PTPRG: variants seen among roughly 807,000 people sequenced by gnomAD.
PTPRG encodes the protein protein tyrosine phosphatase receptor type G.
Under a neutral mutation model 165.3 loss-of-function variants are expected in PTPRG, and 102 were observed. The ratio of observed to expected loss-of-function variants is 0.62; its 90% confidence interval spans 0.53 to 0.73. The LOEUF is 0.73. PTPRG is among the 30% of genes least tolerant of loss of function. The pLI is 0.00. For synonymous variants in PTPRG, 675 were observed against 669.5 expected (o/e 1.01, Z -0.13); for missense variants, 1,866 against 1,861.4 (o/e 1.00, Z -0.05).
intron 4 of PTPRG, among the ~76,000 whole-genome samples, chr3:62,006,623 C>A (rs2041303985): frequency 6.6e-6 from 1 of 152,098 alleles, no homozygotes; most frequent in South Asian, 2.1e-4. Flanking sequence ...ACAGAAGAAT[C>A]ATTGTTGAAG....
At chr3:61,883,034 CATT>C (rs1328721890) in intron 2 of PTPRG, among the ~76,000 whole-genome samples, 2 of 152,190 alleles carry the variant, frequency 1.3e-5, no homozygotes, top group African/African-American at 4.8e-5. Flanking sequence ...CAAAACTTCT[CATT>C]ATGGCTGGTG....
chr3:62,152,178 C>T (rs1424763335), intron 6 of PTPRG, among the ~76,000 whole-genome samples: 1 of 151,226 alleles, frequency 6.6e-6, no homozygotes, highest in East Asian at 1.9e-4. Flanking sequence ...CCAGCTTGGG[C>T]AACACAGCAA....
rs561510305 is a variant in PTPRG, at chr3:61,874,528, A to G, written c.191-115097A>G. The stretch of plus-strand genomic sequence containing the variant: ...TTTTCTTTCTTCCTTTTTTTTTTCT[A>G]CACATAAACACAGATACTCAACCAC... On this transcript the variant is annotated intron_variant, in intron 2 of 29. Transcript: ENST00000474889. 6.0e-5 allele frequency among the ~76,000 whole-genome samples: 9 copies of G among 150,056 alleles called. No individual in the cohort carries two copies. In the East Asian group the frequency reaches 1.8e-3, roughly 30 times the overall value.
At chr3:62,046,576 A>C (rs1334575711) in intron 4 of PTPRG, among the ~76,000 whole-genome samples, 4 of 152,160 alleles carry the variant, frequency 2.6e-5, no homozygotes, top group Non-Finnish European at 5.9e-5. Context: ...CATCATTGGC[A>C]TGCTTGCTGC....
intron 1 of PTPRG, among the ~76,000 whole-genome samples, chr3:61,670,826 G>A (rs1014510123): frequency 6.6e-6 from 1 of 152,134 alleles, no homozygotes; most frequent in Non-Finnish European, 1.5e-5. Flanking sequence ...AAGTAGAATC[G>A]CAGAAAAGAG....
At chr3:61,911,884 T>C (rs2038811320) in intron 2 of PTPRG, among the ~76,000 whole-genome samples, 1 of 152,236 alleles carries the variant, frequency 6.6e-6, no homozygotes, top group Non-Finnish European at 1.5e-5. Flanking sequence ...AATTTCATTG[T>C]ATTTTAATAG....
intron 2 of PTPRG, among the ~76,000 whole-genome samples, chr3:61,916,886 G>A (rs1007948086): frequency 6.6e-6 from 1 of 152,138 alleles, no homozygotes; most frequent in East Asian, 1.9e-4. Context: ...ATCCTACCCA[G>A]TGCCTTTTTA....
In PTPRG at chr3:61,650,735, G is replaced by C. The variant is rs58131335; in HGVS notation, c.85+88363G>C. Among the ~76,000 whole-genome samples, 1,381 of 152,140 alleles carry C rather than the reference G, an allele frequency of 9.1e-3. 27 individuals carry two copies. The highest frequency in any genetic ancestry group is 0.029 in the African/African-American group (1,200 of 41,500). The stretch of plus-strand genomic sequence containing the variant: ...TTATCTTAAAATTTATTAATGTGAT[G>C]GTTTTCATTTTCAAATGTAAGCATT... On this transcript the variant is annotated intron_variant, in intron 1 of 29. Transcript: ENST00000474889.
intron 2 of PTPRG, among the ~76,000 whole-genome samples, chr3:61,778,131 G>A (rs2034439176): frequency 1.3e-5 from 2 of 152,156 alleles, no homozygotes; most frequent in Admixed American, 1.3e-4. Context: ...GGTTCTTGGT[G>A]TTTTGATCAA....
At chr3:62,016,139 G>C (rs2041539881) in intron 4 of PTPRG, among the ~76,000 whole-genome samples, 1 of 152,028 alleles carries the variant, frequency 6.6e-6, no homozygotes, top group South Asian at 2.1e-4. Flanking sequence ...ACTTTGAGCA[G>C]GATTTGGCAT....
At chr3:62,071,772 C>T (rs932931527) in intron 4 of PTPRG, among the ~76,000 whole-genome samples, 2 of 152,114 alleles carry the variant, frequency 1.3e-5, no homozygotes, top group Non-Finnish European at 2.9e-5. Flanking sequence ...ACTTTCCTTC[C>T]TTAGGAGCTT....
intron 2 of PTPRG, chr3:61,753,729 G>C: frequency 2.6e-6 from 1 of 389,754 alleles, no homozygotes; most frequent in South Asian, 1.9e-5. Context: ...AAGTAGCTGG[G>C]ATTATAGGTG....
intron 2 of PTPRG, among the ~76,000 whole-genome samples, chr3:61,920,685 C>T (rs1421122072): frequency 1.3e-5 from 2 of 152,166 alleles, no homozygotes; most frequent in Non-Finnish European, 2.9e-5. Context: ...TGAGCCACTG[C>T]GCCTGGCCAA....
chr3:61,814,396 C>T (rs1436937485), intron 2 of PTPRG, among the ~76,000 whole-genome samples: 2 of 152,156 alleles, frequency 1.3e-5, no homozygotes, highest in East Asian at 1.9e-4. Context: ...GAAGGACAGA[C>T]TTTGCTAGTT....
chr3:62,192,402 T>G (rs1323043036), intron 9 of PTPRG, among the ~76,000 whole-genome samples: 19 of 99,998 alleles, frequency 1.9e-4, no homozygotes, highest in African/African-American at 9.3e-4. Context: ...TCTTTTTTTT[T>G]TTTTTTTTTT....
intron 4 of PTPRG, among the ~76,000 whole-genome samples, chr3:62,023,231 T>C (rs1393036826): frequency 6.6e-6 from 1 of 152,196 alleles, no homozygotes; most frequent in African/African-American, 2.4e-5. Flanking sequence ...AATATATTAA[T>C]GAACAGATAT....
At chr3:62,116,503 C>T (rs1702874387) in intron 5 of PTPRG, among the ~76,000 whole-genome samples, 1 of 152,084 alleles carries the variant, frequency 6.6e-6, no homozygotes, top group Non-Finnish European at 1.5e-5. Context: ...TAAAAATGAA[C>T]TACTACTTGG....
intron 27 of PTPRG, among the ~76,000 whole-genome samples, chr3:62,282,496 C>T (rs1321198089): frequency 4.0e-5 from 6 of 150,208 alleles, no homozygotes; most frequent in Non-Finnish European, 5.9e-5. Flanking sequence ...TCCCAAAGTA[C>T]TGAATTACAG....
intron 2 of PTPRG, among the ~76,000 whole-genome samples, chr3:61,830,055 C>T (rs1037290493): frequency 6.6e-6 from 1 of 152,190 alleles, no homozygotes; most frequent in Non-Finnish European, 1.5e-5. Flanking sequence ...AGTGTGAAGA[C>T]AGCATCTTTG....
Sources: gnomAD v4.1 joint callset for allele counts (sites outside exome capture counted in the v4.1 genomes callset) on GRCh38, gnomAD v4.1.1 for gene constraint, MANE v1.5 for transcripts, NCBI Gene and HGNC (gene_info 2026-07-23, HGNC 2026-07-21) for gene names.